Variants in OR11A1 observed in about 807,000 individuals in gnomAD.
OR11A1 encodes the protein olfactory receptor 11A1.
For synonymous variants in OR11A1, 158 were observed against 152.2 expected (o/e 1.04, Z -0.28); for missense variants, 380 against 378.2 (o/e 1.00, Z -0.04).
intron 1 of OR11A1, among the ~76,000 whole-genome samples, chr6:29,445,130 C>A (rs112753612): frequency 0.051 from 7,705 of 152,266 alleles, 376 homozygotes; most frequent in African/African-American, 0.12. Context: ...CCTCAGCCTC[C>A]TGAGTAGCTG....
chr6:29,430,172 A>T, intron 3 of OR11A1, 129 bp downstream of exon 3: 1 of 510,836 alleles, frequency 2.0e-6, no homozygotes, highest in Non-Finnish European at 2.5e-6. Flanking sequence ...CTTAATGTTT[A>T]ACACCATGTC....
chr6:29,448,010 CTTTTTTTTT>C (rs9280602), intron 1 of OR11A1, among the ~76,000 whole-genome samples: 1 of 79,934 alleles, frequency 1.3e-5, no homozygotes, highest in Non-Finnish European at 2.3e-5. Context: ...ATGACCCTTT[CTTTTTTTTT>C]TTTTTTTTTT....
At chr6:29,440,888 G>A (rs760656931) in intron 1 of OR11A1, 9 of 1,613,684 alleles carry the variant, frequency 5.6e-6, no homozygotes. Context: ...TCTACAGCCT[G>A]CGGAACACAG....
At chr6:29,428,343 T>C (rs1461149580) in intron 4 of OR11A1, 1 of 985,382 alleles carries the variant, frequency 1.0e-6, no homozygotes, top group Non-Finnish European at 1.2e-6. Flanking sequence ...GTAGGTGCCA[T>C]GGGAGCAGAG....
At chr6:29,427,827 C>T (rs759433842) in intron 4 of OR11A1, 95 bp from the exon 5 acceptor site, 10 of 892,806 alleles carry the variant, frequency 1.1e-5, no homozygotes, top group East Asian at 1.1e-4. Context: ...AGTTGTCATT[C>T]CTTCCTCAAC....
chr6:29,426,851 G>A lies in OR11A1; in HGVS notation c.791C>T (p.Ser264Phe), dbSNP rs1357484589. The part of the protein sequence containing the change: ...GTLMIFYVAP[S>F]AVHSQLLSKV... Reference sequence around the variant, plus strand: ...GGAGAGGAGCTGGGAATGGACAGCAGAGGGTGCAACATAAAAGATCATGAG... The same window carrying A: ...GGAGAGGAGCTGGGAATGGACAGCAAAGGGTGCAACATAAAAGATCATGAG... The change falls in exon 5 of 5, where the codon TCT becomes TTT. Residue 264 changes from serine to phenylalanine, a missense_variant. Ser to Phe is a radical substitution (Grantham distance 155). Transcript: ENST00000377149. 11 of 1,613,066 alleles carry A rather than the reference G, an allele frequency of 6.8e-6. No homozygotes were observed. The Admixed American group carries it at 8.3e-5, about 12-fold the overall frequency.
In OR11A1 at chr6:29,426,914, G is replaced by A; in HGVS notation, c.728C>T (p.Ser243Phe). ...ASRRRAFSTC[S>F]SHLAVVTTFY... ...TGTGGTCACTACAGCTAGGTGGGAG[G>A]AGCATGTGGAGAAAGCCCTTCTCCT... The change falls in exon 5 of 5, where the codon TCC becomes TTC. Residue 243 changes from serine to phenylalanine, a missense_variant. Physicochemically the swap from Ser to Phe is radical, Grantham distance 155. Transcript: ENST00000377149. 1.2e-6 allele frequency: 2 copies of A among 1,613,004 alleles called. No homozygotes were observed. Among genetic ancestry groups the A allele is most frequent in the Non-Finnish European group, 1.7e-6 (2 of 1,179,988 alleles).
chr6:29,436,211 G>C (rs747607190), intron 1 of OR11A1, among the ~76,000 whole-genome samples: 6 of 152,192 alleles, frequency 3.9e-5, no homozygotes, highest in Non-Finnish European at 5.9e-5. Flanking sequence ...GAAACGCTCT[G>C]TCCTCTTGTT....
At chr6:29,445,850 T>G (rs1784711657) in intron 1 of OR11A1, among the ~76,000 whole-genome samples, 1 of 152,198 alleles carries the variant, frequency 6.6e-6, no homozygotes, top group African/African-American at 2.4e-5. Flanking sequence ...TCACTGGCCT[T>G]AACTCTTTCC....
In OR11A1 at chr6:29,426,626, C is replaced by T. The variant is rs1782822642; in HGVS notation, c.*68G>A. 7.9e-7 allele frequency: 1 copy of T among 1,258,048 alleles called. No individual in the cohort carries two copies. The highest frequency in any genetic ancestry group is 1.5e-5 in the African/African-American group (1 of 66,820). The allele number at this position is 1,258,048 out of a possible 1,614,324, so 77.9% of individuals were successfully genotyped here. A position where few individuals can be genotyped will look rare whatever the true frequency, so the allele number is the denominator to read the frequency against. On this transcript the variant is annotated 3_prime_UTR_variant, in exon 5 of 5. Transcript: ENST00000377149. Reference sequence around the variant, plus strand: ...CGAATAAGACAAAGTTACTCCTCTCCAACCCATCCTGGAAGAGTCCCCAGT... The same window carrying T: ...CGAATAAGACAAAGTTACTCCTCTCTAACCCATCCTGGAAGAGTCCCCAGT...
intron 1 of OR11A1, among the ~76,000 whole-genome samples, chr6:29,456,228 TAAA>T (rs201288734): frequency 7.9e-6 from 1 of 125,922 alleles, no homozygotes. Flanking sequence ...AAACTCAGTC[TAAA>T]AAAAAAAAAA....
At chr6:29,430,555 C>A in intron 2 of OR11A1, 130 bp from the exon 3 acceptor site, 2 of 530,214 alleles carry the variant, frequency 3.8e-6, no homozygotes, top group Non-Finnish European at 4.8e-6. Flanking sequence ...AGTGAAATAT[C>A]TCAGAAACAG....
intron 1 of OR11A1, among the ~76,000 whole-genome samples, chr6:29,454,968 TATGTATGAAA>T (rs1785892912): frequency 1.3e-5 from 2 of 152,070 alleles, no homozygotes; most frequent in Non-Finnish European, 2.9e-5. Context: ...TATTTTATTA[TATGTATGAAA>T]ATGAATTATG....
intron 1 of OR11A1, among the ~76,000 whole-genome samples, chr6:29,437,529 C>T (rs1367424489): frequency 1.4e-5 from 2 of 142,518 alleles, no homozygotes; most frequent in East Asian, 3.9e-4. Context: ...GACGTAGGAT[C>T]CAGTCAAAAA....
At chr6:29,440,448 G>T (rs1165770876) in intron 1 of OR11A1, 10 of 1,613,922 alleles carry the variant, frequency 6.2e-6, no homozygotes, top group Non-Finnish European at 8.5e-6. Context: ...ACAGCTAGCT[G>T]GGTCGGCGTG....
chr6:29,436,082 T>C (rs1783608244), intron 1 of OR11A1, among the ~76,000 whole-genome samples: 1 of 152,176 alleles, frequency 6.6e-6, no homozygotes, highest in Non-Finnish European at 1.5e-5. Context: ...CTAACATCTA[T>C]TTTTAACCCC....
At chr6:29,455,568 G>A (rs1449304770) in intron 1 of OR11A1, among the ~76,000 whole-genome samples, 1 of 152,190 alleles carries the variant, frequency 6.6e-6, no homozygotes, top group African/African-American at 2.4e-5. Context: ...GTAACTGTGA[G>A]TTGATAGATA....
At chr6:29,440,459 G>A in intron 1 of OR11A1, 1 of 1,613,992 alleles carries the variant, frequency 6.2e-7, no homozygotes, top group Non-Finnish European at 8.5e-7. Context: ...GGTCGGCGTG[G>A]GCCTGTGGGG....
intron 1 of OR11A1, among the ~76,000 whole-genome samples, chr6:29,437,977 G>A (rs900331643): frequency 1.3e-5 from 2 of 152,104 alleles, no homozygotes; most frequent in Non-Finnish European, 2.9e-5. Context: ...TGAGCCATTG[G>A]CATTTCCATT....
Sources: gnomAD v4.1 joint callset for allele counts (sites outside exome capture counted in the v4.1 genomes callset) on GRCh38, gnomAD v4.1.1 for gene constraint, MANE v1.5 for transcripts, NCBI Gene and HGNC (gene_info 2026-07-23, HGNC 2026-07-21) for gene names.